The following FOXO1 variants were observed in gnomAD, a reference collection of about 807,000 sequenced individuals.
FOXO1 encodes the protein forkhead box O1.
A neutral mutation model predicts 44.1 loss-of-function variants in FOXO1; 6 were observed. The observed-to-expected ratio is 0.14, with a 90% CI of 0.07 to 0.27. The LOEUF is 0.27. Among genes scored for constraint, FOXO1 ranks in the 10% least tolerant of loss-of-function variants. The pLI, the probability that FOXO1 is intolerant of heterozygous loss-of-function variation, is 1.00. For synonymous variants in FOXO1, 380 were observed against 362.7 expected, an observed-to-expected ratio of 1.05 and a Z score of -0.54; for missense variants, 737 against 888.8, an observed-to-expected ratio of 0.83 and a Z score of 2.17.
intron 1 of FOXO1, among the ~76,000 whole-genome samples, chr13:40,654,097 C>A (rs1306799869): frequency 1.3e-5 from 2 of 151,906 alleles, no homozygotes; most frequent in Non-Finnish European, 2.9e-5. Context: ...GGTAGGGGTT[C>A]CAGGGCTGTT....
intron 1 of FOXO1, among the ~76,000 whole-genome samples, chr13:40,582,929 A>G (rs1875011879): frequency 6.6e-6 from 1 of 152,214 alleles, no homozygotes; most frequent in Non-Finnish European, 1.5e-5. Context: ...AAGATTTTTA[A>G]TTTTACTTTG....
At chr13:40,637,695 A>G (rs952318962) in intron 1 of FOXO1, among the ~76,000 whole-genome samples, 4 of 152,182 alleles carry the variant, frequency 2.6e-5, no homozygotes, top group African/African-American at 4.8e-5. Context: ...ACAACAACCT[A>G]TAAGAGTTAC....
At chr13:40,597,613 T>A (rs1875630810) in intron 1 of FOXO1, among the ~76,000 whole-genome samples, 1 of 152,114 alleles carries the variant, frequency 6.6e-6, no homozygotes, top group Non-Finnish European at 1.5e-5. Flanking sequence ...AAACCCTACA[T>A]CTTCCCCCGG....
intron 1 of FOXO1, among the ~76,000 whole-genome samples, chr13:40,576,450 T>C (rs1388131876): frequency 6.6e-6 from 1 of 152,200 alleles, no homozygotes; most frequent in Admixed American, 6.5e-5. Flanking sequence ...TTTCTGATTA[T>C]CCACAAATGT....
In FOXO1 at chr13:40,557,978, A is replaced by C. The variant is rs555236093; in HGVS notation, c.*1071T>G. On this transcript the variant is annotated 3_prime_UTR_variant, in exon 3 of 3. Transcript: ENST00000379561. ...AAGTTATCCTAAATAAGAAACGCAAAGTGTCCATAACTATACATCACTTTC... is the reference window on the plus strand; with the variant it reads ...AAGTTATCCTAAATAAGAAACGCAACGTGTCCATAACTATACATCACTTTC... 6.5e-6 allele frequency: 1 copy of C among 152,716 alleles called. No homozygotes were observed. The highest frequency in any genetic ancestry group is 1.9e-4 in the East Asian group (1 of 5,184). The allele number at this position is 152,716 out of a possible 1,614,324, so 9.5% of individuals were successfully genotyped here.
At chr13:40,598,001 G>A (rs142666984) in intron 1 of FOXO1, among the ~76,000 whole-genome samples, 9 of 152,294 alleles carry the variant, frequency 5.9e-5, no homozygotes, top group African/African-American at 2.2e-4. Context: ...CAGCCTCAGA[G>A]AATCGGGCTC....
intron 1 of FOXO1, among the ~76,000 whole-genome samples, chr13:40,575,607 A>G (rs1281958191): frequency 1.3e-5 from 2 of 152,238 alleles, no homozygotes; most frequent in African/African-American, 4.8e-5. Flanking sequence ...ATTTATTTCC[A>G]TTCACATTTC....
chr13:40,566,568 C>CG (rs1400361946), intron 1 of FOXO1, among the ~76,000 whole-genome samples: 3 of 151,864 alleles, frequency 2.0e-5, no homozygotes, highest in Admixed American at 6.6e-5. Flanking sequence ...TTAGTACAGG[C>CG]GGGGTTTCAC....
At chr13:40,572,092 G>A (rs1874542825) in intron 1 of FOXO1, among the ~76,000 whole-genome samples, 1 of 152,166 alleles carries the variant, frequency 6.6e-6, no homozygotes, top group South Asian at 2.1e-4. Context: ...TTCAAGGTAT[G>A]TTCCCGAATT....
At chr13:40,599,755 G>A (rs1875749977) in intron 1 of FOXO1, among the ~76,000 whole-genome samples, 1 of 152,204 alleles carries the variant, frequency 6.6e-6, no homozygotes, top group South Asian at 2.1e-4. Flanking sequence ...AGGAAAGGAA[G>A]CTGGAAAGAT....
At chr13:40,583,416 T>C (rs1875031025) in intron 1 of FOXO1, among the ~76,000 whole-genome samples, 1 of 152,216 alleles carries the variant, frequency 6.6e-6, no homozygotes, top group Admixed American at 6.5e-5. Flanking sequence ...TAACTTCTCC[T>C]CTCTAGCTAT....
chr13:40,579,297 G>C (rs1874874704), intron 1 of FOXO1, among the ~76,000 whole-genome samples: 1 of 152,220 alleles, frequency 6.6e-6, no homozygotes, highest in Non-Finnish European at 1.5e-5. Flanking sequence ...GCTGCTAGAA[G>C]TAATTGAACC....
chr13:40,644,768 G>A (rs371876359), intron 1 of FOXO1, among the ~76,000 whole-genome samples: 18 of 152,214 alleles, frequency 1.2e-4, no homozygotes, highest in African/African-American at 4.1e-4. Flanking sequence ...GCACAAAAGC[G>A]AAACCACCCT....
At chr13:40,564,894 T>A (rs1874203180) in intron 1 of FOXO1, among the ~76,000 whole-genome samples, 1 of 146,814 alleles carries the variant, frequency 6.8e-6, no homozygotes, top group South Asian at 2.3e-4. Flanking sequence ...CCCCAAGCAG[T>A]GCAGCATGTG....
chr13:40,598,504 A>C (rs987325358), intron 1 of FOXO1, among the ~76,000 whole-genome samples: 1 of 151,466 alleles, frequency 6.6e-6, no homozygotes, highest in Admixed American at 6.6e-5. Flanking sequence ...CACTAGCACA[A>C]AAAAAAAATC....
At chr13:40,605,291 C>T (rs913413876) in intron 1 of FOXO1, among the ~76,000 whole-genome samples, 1 of 151,762 alleles carries the variant, frequency 6.6e-6, no homozygotes, top group African/African-American at 2.4e-5. Flanking sequence ...CATTTTTTTT[C>T]CTGATCAAGG....
rs1873850413 is a variant in FOXO1 at position 40,558,630 on chromosome 13, A to G, written c.*419T>C. The G allele has an allele frequency of 2.6e-6, 1 of 387,354 alleles. No homozygotes were observed. 24.0% of individuals were successfully genotyped at this position (387,354 alleles called of 1,614,324 possible). On this transcript the variant is annotated 3_prime_UTR_variant, in exon 3 of 3. Coordinates refer to ENST00000379561, the MANE Select transcript of FOXO1 (RefSeq NM_002015.4). ...ACATGAGGCCCATCACAGTATTACA[A>G]AAAGAGTATAAACTTTCCTTGGACC...
chr13:40,640,300 T>A (rs1237526847), intron 1 of FOXO1, among the ~76,000 whole-genome samples: 1 of 152,204 alleles, frequency 6.6e-6, no homozygotes, highest in Non-Finnish European at 1.5e-5. Context: ...GGAGGGACGA[T>A]GAACATTATT....
chr13:40,657,091 C>T (rs1476142653), intron 1 of FOXO1, among the ~76,000 whole-genome samples: 1 of 152,046 alleles, frequency 6.6e-6, no homozygotes, highest in Non-Finnish European at 1.5e-5. Context: ...ACTGATGCTT[C>T]CCATATTTTC....
Sources: gnomAD v4.1 joint callset for allele counts (sites outside exome capture counted in the v4.1 genomes callset) on GRCh38, gnomAD v4.1.1 for gene constraint, MANE v1.5 for transcripts, NCBI Gene and HGNC (gene_info 2026-07-23, HGNC 2026-07-21) for gene names.